Variants in CSNK1G3 observed in about 807,000 individuals in gnomAD.
The protein encoded by CSNK1G3 is casein kinase I isoform gamma-3.
A neutral mutation model predicts 64.3 loss-of-function variants in CSNK1G3; 23 were observed. The observed-to-expected ratio is 0.36, with a 90% CI of 0.26 to 0.51. The LOEUF (loss-of-function observed/expected upper bound fraction) is 0.51, where lower values mean the gene tolerates loss of function less well. Among genes scored for constraint, CSNK1G3 ranks in the 20% least tolerant of loss-of-function variants. The pLI is 0.96. For synonymous variants in CSNK1G3, 158 were observed against 162.2 expected (o/e 0.97, Z 0.20); for missense variants, 357 against 510.5 (o/e 0.70, Z 2.90).
downstream of CSNK1G3, chr5:123,617,044 A>G (rs188436651): frequency 1.3e-5 from 2 of 152,316 alleles, no homozygotes; most frequent in African/African-American, 2.4e-5. Context: ...TCTTCTGATA[A>G]ATTAAGGGAA....
rs560572158 is a variant in CSNK1G3 at position 123,611,856 on chromosome 5, C to G, written c.1218-2486C>G. On this transcript the variant is annotated intron_variant, in intron 12 of 12. Coordinates refer to ENST00000345990, the Ensembl canonical transcript of CSNK1G3. ...TCTAAATACCTATTTTTATGTCTTGCTTTCTGCTATTTGGATATTTTTCTG... is the reference window on the plus strand; with the variant it reads ...TCTAAATACCTATTTTTATGTCTTGGTTTCTGCTATTTGGATATTTTTCTG... Among the ~76,000 whole-genome samples the G allele has an allele frequency of 2.0e-5, 3 of 152,152 alleles. No individual in the cohort carries two copies. The East Asian group carries it at 5.8e-4, about 29-fold the overall frequency.
chr5:123,608,793 G>A (rs1795805631), intron 12 of CSNK1G3, among the ~76,000 whole-genome samples: 1 of 152,068 alleles, frequency 6.6e-6, no homozygotes, highest in Non-Finnish European at 1.5e-5. Context: ...GGTGGGGCCT[G>A]GTTATCAGTA....
At chr5:123,604,864 T>C (rs771125022) in intron 11 of CSNK1G3, 34 bp downstream of exon 12, 133 of 1,490,854 alleles carry the variant, frequency 8.9e-5, no homozygotes, top group Non-Finnish European at 1.2e-4. Flanking sequence ...TAGTAACTTT[T>C]TGTTCTTAAA....
At chr5:123,538,734 T>G (rs1781219758) in intron 1 of CSNK1G3, among the ~76,000 whole-genome samples, 1 of 152,148 alleles carries the variant, frequency 6.6e-6, no homozygotes, top group Non-Finnish European at 1.5e-5. Flanking sequence ...GTATAATAAT[T>G]TTTTTAAAAG....
chr5:123,601,336 C>T (rs1261077704), intron 10 of CSNK1G3, among the ~76,000 whole-genome samples: 1 of 152,122 alleles, frequency 6.6e-6, no homozygotes, highest in Non-Finnish European at 1.5e-5. Context: ...ACTCTCAAGT[C>T]ACCGGTGTTA....
chr5:123,524,806 C>T (rs923099635), intron 1 of CSNK1G3, among the ~76,000 whole-genome samples: 1 of 152,156 alleles, frequency 6.6e-6, no homozygotes. Flanking sequence ...TATTGTACTT[C>T]TTGTGCAGAG....
intron 3 of CSNK1G3, among the ~76,000 whole-genome samples, chr5:123,554,034 A>T (rs924750088): frequency 6.6e-6 from 1 of 152,240 alleles, no homozygotes; most frequent in Non-Finnish European, 1.5e-5. Flanking sequence ...TATTAGGGTA[A>T]TATGAAATGA....
At chr5:123,577,929 A>C (rs1789500477) in intron 6 of CSNK1G3, among the ~76,000 whole-genome samples, 1 of 151,972 alleles carries the variant, frequency 6.6e-6, no homozygotes, top group Admixed American at 6.6e-5. Flanking sequence ...CTATCACAAC[A>C]GATGAGTTTT....
intron 1 of CSNK1G3, among the ~76,000 whole-genome samples, chr5:123,519,089 T>TG (rs2149938847): frequency 6.6e-6 from 1 of 152,088 alleles, no homozygotes; most frequent in Admixed American, 6.5e-5. Flanking sequence ...GTTTTACTCT[T>TG]GTTTCCCAGG....
At chr5:123,527,205 T>A (rs973777421) in intron 1 of CSNK1G3, among the ~76,000 whole-genome samples, 3 of 152,188 alleles carry the variant, frequency 2.0e-5, no homozygotes, top group Non-Finnish European at 2.9e-5. Flanking sequence ...TTTCAATGAA[T>A]GCAATCTTCA....
chr5:123,554,481 A>G (rs1477145717), intron 3 of CSNK1G3, among the ~76,000 whole-genome samples: 3 of 152,184 alleles, frequency 2.0e-5, no homozygotes, highest in Admixed American at 1.3e-4. Flanking sequence ...TAGAAAGCCA[A>G]GTTAAAATTT....
intron 10 of CSNK1G3, among the ~76,000 whole-genome samples, chr5:123,603,682 GC>G (rs1794868132): frequency 6.6e-6 from 1 of 152,102 alleles, no homozygotes; most frequent in Admixed American, 6.6e-5. Context: ...TCTCAGAGAT[GC>G]TGTTTGAGAA....
chr5:123,587,256 A>G (rs1247970128), intron 6 of CSNK1G3, among the ~76,000 whole-genome samples: 1 of 152,230 alleles, frequency 6.6e-6, no homozygotes, highest in Non-Finnish European at 1.5e-5. Flanking sequence ...GTTCATGTGG[A>G]TAAAACATCT....
chr5:123,557,566 TA>T lies in CSNK1G3; in HGVS notation c.289+5del. 1 of 1,557,818 alleles carries T rather than the reference TA, an allele frequency of 6.4e-7. No individual in the cohort carries two copies. Among genetic ancestry groups the T allele is most frequent in the Non-Finnish European group, 8.8e-7 (1 of 1,140,828 alleles). On this transcript the variant is annotated splice_donor_region_variant and intron_variant, in intron 4 of 12. Transcript: ENST00000345990. Reference sequence around the variant, plus strand: ...TCTATAAGCAGTTAGGATCTGGAGGTAAAGTCTTATATTAATTTTTAAATTT... The same window carrying T: ...TCTATAAGCAGTTAGGATCTGGAGGTAAGTCTTATATTAATTTTTAAATTT...
intron 6 of CSNK1G3, among the ~76,000 whole-genome samples, chr5:123,578,969 TAGAC>T (rs1179498944): frequency 6.6e-6 from 1 of 152,010 alleles, no homozygotes; most frequent in Non-Finnish European, 1.5e-5. Flanking sequence ...CAGATACTAT[TAGAC>T]ATCTTACAAC....
At chr5:123,614,479 G>T in exon 13 of CSNK1G3, 1 of 1,200,472 alleles carries the variant, frequency 8.3e-7, no homozygotes, top group Non-Finnish European at 1.1e-6. Context: ...TAGTGACCAC[G>T]TATATTTTCA....
At chr5:123,587,578 T>C (rs146127405) in intron 6 of CSNK1G3, among the ~76,000 whole-genome samples, 2 of 152,348 alleles carry the variant, frequency 1.3e-5, no homozygotes, top group African/African-American at 2.4e-5. Flanking sequence ...TCTTAAAATA[T>C]ATTACACACA....
At chr5:123,522,684 A>T (rs1279228557) in intron 1 of CSNK1G3, among the ~76,000 whole-genome samples, 10 of 152,140 alleles carry the variant, frequency 6.6e-5, no homozygotes, top group Non-Finnish European at 2.9e-5. Context: ...TGTTTAGGGA[A>T]TAATGATAAA....
chr5:123,565,806 G>T (rs1226987012), intron 4 of CSNK1G3, among the ~76,000 whole-genome samples: 1 of 152,046 alleles, frequency 6.6e-6, no homozygotes, highest in Non-Finnish European at 1.5e-5. Context: ...AGAAAGTGAA[G>T]GGGAGGTGCA....
Sources: gnomAD v4.1 joint callset for allele counts (sites outside exome capture counted in the v4.1 genomes callset) on GRCh38, gnomAD v4.1.1 for gene constraint, MANE v1.5 for transcripts, NCBI Gene and HGNC (gene_info 2026-07-23, HGNC 2026-07-21) for gene names.